MPPED2: variants seen among roughly 807,000 people sequenced by gnomAD.
The protein encoded by MPPED2 is metallophosphoesterase domain containing 2.
In MPPED2, 5 loss-of-function variants were observed where a neutral mutation model predicts 33.0. That is an observed-to-expected ratio of 0.15 (90% CI 0.08 to 0.32). The LOEUF (loss-of-function observed/expected upper bound fraction) is 0.32. Ranked by LOEUF, MPPED2 falls within the 10% of genes least tolerant of loss-of-function variation. The probability of loss-of-function intolerance (pLI) is 1.00; values close to 1 mark genes in which losing one functional copy is unlikely to be tolerated. For synonymous variants in MPPED2, 136 were observed against 141.9 expected (o/e 0.96, Z 0.29); for missense variants, 275 against 372.1 (o/e 0.74, Z 2.15).
Position 30,454,909 on chromosome 11 carries a change from T to TCTTC in MPPED2, c.537-37277_537-37276insGAAG, listed in dbSNP as rs1950217094. ...CTATTCAAGACTGTTAGGGCCTCTT[T>TCTTC]CAGGTAGTTGTCAGTGCCAAAGGGT... On this transcript the variant is annotated intron_variant, in intron 4 of 6. Coordinates refer to ENST00000358117, the MANE Select transcript of MPPED2 (RefSeq NM_001584.3). Among the ~76,000 whole-genome samples the TCTTC allele has an allele frequency of 2.6e-5, 4 of 152,218 alleles. No homozygotes were observed. The South Asian group carries it at 8.3e-4, about 32-fold the overall frequency.
chr11:30,578,936 A>G (rs1957043517), intron 2 of MPPED2, among the ~76,000 whole-genome samples: 1 of 151,922 alleles, frequency 6.6e-6, no homozygotes, highest in African/African-American at 2.4e-5. Flanking sequence ...ATATATTCTC[A>G]TTTAAAGAAC....
chr11:30,497,028 G>A (rs568355289), intron 3 of MPPED2, among the ~76,000 whole-genome samples: 2 of 152,230 alleles, frequency 1.3e-5, no homozygotes, highest in South Asian at 4.1e-4. Context: ...AACCAGAAAC[G>A]CTGAGGCCAA....
chr11:30,561,268 TGCC>T (rs1238234736), intron 2 of MPPED2, among the ~76,000 whole-genome samples: 1 of 152,202 alleles, frequency 6.6e-6, no homozygotes, highest in Non-Finnish European at 1.5e-5. Flanking sequence ...TGAACTTCTC[TGCC>T]TACTAAGTTG....
At chr11:30,583,152 T>C (rs911799106) in intron 1 of MPPED2, among the ~76,000 whole-genome samples, 8 of 88,184 alleles carry the variant, frequency 9.1e-5, no homozygotes, top group South Asian at 4.0e-4. Context: ...TTTTTTTTTT[T>C]TTTTTTTTTT....
intron 4 of MPPED2, among the ~76,000 whole-genome samples, chr11:30,470,109 A>C (rs992588128): frequency 6.6e-6 from 1 of 152,128 alleles, no homozygotes; most frequent in Non-Finnish European, 1.5e-5. Flanking sequence ...ACTTTCTTTT[A>C]TGAAAATTTA....
intron 6 of MPPED2, among the ~76,000 whole-genome samples, chr11:30,413,131 C>T (rs1948186555): frequency 1.3e-5 from 2 of 152,242 alleles, no homozygotes; most frequent in Non-Finnish European, 2.9e-5. Context: ...TTGGAGCAAA[C>T]TGAATTTTCT....
intron 6 of MPPED2, among the ~76,000 whole-genome samples, chr11:30,399,067 A>G (rs1187602920): frequency 6.6e-6 from 1 of 152,124 alleles, no homozygotes; most frequent in East Asian, 1.9e-4. Context: ...ATTTCATTAA[A>G]CCAACCACCA....
rs541716162 is a variant in MPPED2, at chr11:30,464,814, G to A, written c.536+30482C>T. Among the ~76,000 whole-genome samples, 7 of 152,146 alleles carry A rather than the reference G, an allele frequency of 4.6e-5. No homozygotes were observed. In the South Asian group the frequency reaches 1.2e-3, roughly 27 times the overall value. ...ATTGTGATAATGTGGGGATTTAGAC[G>A]AGTAACTAACTCGTCTTCAAGGAAC... On this transcript the variant is annotated intron_variant, in intron 4 of 6. Transcript: ENST00000358117.
At chr11:30,409,859 G>C (rs1367345709), downstream of MPPED2, among the ~76,000 whole-genome samples, 3 of 152,292 alleles carry the variant, frequency 2.0e-5, no homozygotes, top group East Asian at 5.8e-4. Context: ...TGGGGAAAAT[G>C]AGAATGTGCA....
intron 3 of MPPED2, among the ~76,000 whole-genome samples, chr11:30,510,476 A>G (rs1322387280): frequency 6.6e-6 from 1 of 152,176 alleles, no homozygotes. Context: ...CCTCTTTTTC[A>G]TATCAATACC....
At chr11:30,489,285 C>T (rs897563572) in intron 4 of MPPED2, among the ~76,000 whole-genome samples, 7 of 152,208 alleles carry the variant, frequency 4.6e-5, no homozygotes, top group South Asian at 2.1e-4. Flanking sequence ...AAACATCTGA[C>T]GCTTTCCTGA....
intron 4 of MPPED2, chr11:30,451,910 A>T (rs868255724): frequency 2.0e-6 from 2 of 985,434 alleles, no homozygotes; most frequent in South Asian, 9.4e-5. Context: ...TGGGCAAGTC[A>T]TTTAACCTTG....
chr11:30,536,158 T>C lies in MPPED2; in HGVS notation c.146A>G (p.Tyr49Cys). 1 of 1,608,548 alleles carries C rather than the reference T, an allele frequency of 6.2e-7. No homozygotes were observed. The highest frequency in any genetic ancestry group is 1.1e-5 in the South Asian group (1 of 90,044). ...PHVHMVDPIP[Y>C]DTPKPAGHTR... ...GTGGCCCGCTGGTTTTGGAGTGTCA[T>C]ATGGGATGGGGTCGACCCTAAAGTA... The change falls in exon 3 of 7, where the codon TAT becomes TGT. Residue 49 changes from tyrosine to cysteine, a missense_variant. Physicochemically the swap from Tyr to Cys is radical, Grantham distance 194. Coordinates refer to ENST00000358117, the MANE Select transcript of MPPED2 (RefSeq NM_001584.3).
At chr11:30,458,439 C>G (rs537690702) in intron 4 of MPPED2, among the ~76,000 whole-genome samples, 12 of 152,228 alleles carry the variant, frequency 7.9e-5, no homozygotes, top group Non-Finnish European at 1.3e-4. Context: ...CACTTGAAAT[C>G]CAACAGATAA....
chr11:30,564,590 G>A (rs1410096755), intron 2 of MPPED2, among the ~76,000 whole-genome samples: 1 of 152,114 alleles, frequency 6.6e-6, no homozygotes, highest in Non-Finnish European at 1.5e-5. Context: ...TCAAACTTTG[G>A]CAGTATGCTT....
At chr11:30,434,797 T>G (rs1949251683) in intron 4 of MPPED2, among the ~76,000 whole-genome samples, 1 of 152,226 alleles carries the variant, frequency 6.6e-6, no homozygotes, top group Non-Finnish European at 1.5e-5. Context: ...AGTTATCTGC[T>G]GGGTACTTTC....
chr11:30,569,107 A>G (rs117368159), intron 2 of MPPED2, among the ~76,000 whole-genome samples: 6,642 of 152,264 alleles, frequency 0.044, 218 homozygotes, highest in Middle Eastern at 0.068. Flanking sequence ...TCAAATTCCA[A>G]GATAAACAGT....
intron 3 of MPPED2, among the ~76,000 whole-genome samples, chr11:30,498,079 T>C (rs1952365748): frequency 6.6e-6 from 1 of 151,554 alleles, no homozygotes; most frequent in Non-Finnish European, 1.5e-5. Flanking sequence ...TTTTTTTTTT[T>C]CCAGACTAGA....
chr11:30,403,145 G>T (rs1947934211), intron 6 of MPPED2, among the ~76,000 whole-genome samples: 1 of 151,884 alleles, frequency 6.6e-6, no homozygotes, highest in African/African-American at 2.4e-5. Context: ...TACTCGCGAG[G>T]ATGAGGCAGG....
Sources: allele counts gnomAD v4.1 joint callset (sites outside exome capture counted in the v4.1 genomes callset), GRCh38; gene constraint gnomAD v4.1.1; transcripts MANE v1.5; gene names NCBI Gene and HGNC (gene_info 2026-07-23, HGNC 2026-07-21).